Variants in BICRA observed in about 807,000 individuals in gnomAD.
The protein encoded by BICRA is BRD4 interacting chromatin remodeling complex associated protein.
Under a neutral mutation model 96.9 loss-of-function variants are expected in BICRA, and 31 were observed. The observed-to-expected ratio is 0.32, with a 90% CI of 0.24 to 0.43. The LOEUF (loss-of-function observed/expected upper bound fraction) is 0.43, where lower values mean the gene tolerates loss of function less well. Among genes scored for constraint, BICRA ranks in the 20% least tolerant of loss-of-function variants. The probability of loss-of-function intolerance (pLI) is 1.00; values close to 1 mark genes in which losing one functional copy is unlikely to be tolerated. For synonymous variants in BICRA, 1,350 were observed against 1,071.8 expected (o/e 1.26, Z -5.07); for missense variants, 2,283 against 2,190.3 (o/e 1.04, Z -0.84).
intron 1 of BICRA, among the ~76,000 whole-genome samples, chr19:47,625,183 A>T (rs989832892): frequency 6.6e-6 from 1 of 151,496 alleles, no homozygotes; most frequent in African/African-American, 2.4e-5. Context: ...TATTTTTAGT[A>T]GAGATAGGGT....
intron 7 of BICRA, among the ~76,000 whole-genome samples, chr19:47,685,448 T>G (rs1485833586): frequency 6.6e-6 from 1 of 152,094 alleles, no homozygotes; most frequent in Admixed American, 6.6e-5. Flanking sequence ...GGTCAGTGAA[T>G]GTTTGTTGGG....
chr19:47,615,126 G>A (rs554321630), intron 1 of BICRA, among the ~76,000 whole-genome samples: 7 of 152,282 alleles, frequency 4.6e-5, no homozygotes. Flanking sequence ...TGGGACTACA[G>A]GTGCACGCCA....
intron 1 of BICRA, among the ~76,000 whole-genome samples, chr19:47,609,592 G>T (rs1332077948): frequency 6.6e-6 from 1 of 151,602 alleles, no homozygotes; most frequent in African/African-American, 2.4e-5. Flanking sequence ...ACGTTCCACG[G>T]GGGGAGGGGC....
chr19:47,616,593 C>G (rs780930774), intron 1 of BICRA, among the ~76,000 whole-genome samples: 37 of 150,960 alleles, frequency 2.5e-4, no homozygotes, highest in Non-Finnish European at 2.4e-4. Context: ...GAGCTGAGAT[C>G]GCACGATTGC....
At chr19:47,673,340 T>C (rs551940910) in intron 2 of BICRA, among the ~76,000 whole-genome samples, 59 of 152,242 alleles carry the variant, frequency 3.9e-4, no homozygotes, top group African/African-American at 1.4e-3. Context: ...ATTATCATCA[T>C]CAGGTGCTGG....
intron 1 of BICRA, among the ~76,000 whole-genome samples, chr19:47,659,685 TACACACACACACACACACACACAC>T (rs10567798): frequency 7.6e-6 from 1 of 132,414 alleles, no homozygotes; most frequent in Non-Finnish European, 1.6e-5. Flanking sequence ...TGGTGGTGCA[TACACACACACACACACACACACAC>T]ACACACACAC....
chr19:47,634,635 GC>G (rs2123526990), intron 1 of BICRA, among the ~76,000 whole-genome samples: 1 of 151,926 alleles, frequency 6.6e-6, no homozygotes, highest in East Asian at 1.9e-4. Context: ...AACAAACAAA[GC>G]CTGCTTCTCT....
intron 1 of BICRA, among the ~76,000 whole-genome samples, chr19:47,658,147 A>C (rs1972648913): frequency 6.6e-6 from 1 of 152,182 alleles, no homozygotes; most frequent in Non-Finnish European, 1.5e-5. Context: ...CTGAGCTGCA[A>C]GGGAGTCTGA....
intron 1 of BICRA, among the ~76,000 whole-genome samples, chr19:47,660,560 C>T (rs865982038): frequency 2.6e-5 from 4 of 152,272 alleles, no homozygotes; most frequent in African/African-American, 9.6e-5. Flanking sequence ...ATGTTAAGTC[C>T]ACGTACCAGG....
chr19:47,702,181 C>T lies in BICRA; in HGVS notation c.4449C>T (p.Asp1483=). Residue 1483 remains aspartate, a synonymous_variant, in exon 15 of 15, where the codon GAC becomes GAT. Transcript: ENST00000594866. ...GCAAGTCCGAGTCGCCCGACGTGGA[C>T]CAGGCCAGCTTCTCCAGCGACAGCC... The part of the protein sequence containing the change: ...KRRKSESPDV[D]QASFSSDSPQ... 6.3e-7 allele frequency: 1 copy of T among 1,587,380 alleles called. No homozygotes were observed. Among genetic ancestry groups the T allele is most frequent in the Admixed American group, 1.7e-5 (1 of 58,308 alleles).
chr19:47,665,242 G>T (rs2123565739), intron 1 of BICRA, among the ~76,000 whole-genome samples: 1 of 152,328 alleles, frequency 6.6e-6, no homozygotes, highest in Middle Eastern at 3.4e-3. Context: ...TCAGCAGGTT[G>T]CCTCTTGAAT....
intron 10 of BICRA, among the ~76,000 whole-genome samples, 184 bp from the exon 11 acceptor site, chr19:47,696,267 C>T (rs1189964177): frequency 6.6e-6 from 1 of 152,158 alleles, no homozygotes; most frequent in Non-Finnish European, 1.5e-5. Flanking sequence ...ACTCCCCAGC[C>T]CAGCCCAGGT....
At position 47,701,573 on chromosome 19, in the gene BICRA, T is replaced by C. The variant is rs761292859; in HGVS notation, c.3841T>C (p.Leu1281=). 7 of 1,553,390 alleles carry C rather than the reference T, an allele frequency of 4.5e-6. No homozygotes were observed. The highest frequency in any genetic ancestry group is 6.1e-6 in the Non-Finnish European group (7 of 1,149,336). The change falls in exon 15 of 15, where the codon TTG becomes CTG. Residue 1281 remains leucine (L), a synonymous_variant. Coordinates refer to ENST00000594866, the MANE Select transcript of BICRA (RefSeq NM_001394372.1). This position sits in a 1 kb window ranked among gnomAD's most constrained non-coding sequence, Gnocchi z 5.4. Reference sequence around the variant, plus strand: ...CTCCTCCTCCTCTGCCGCCTCCTCCTTGGACGCCGACGAGGACGGCCCCAT... The same window carrying C: ...CTCCTCCTCCTCTGCCGCCTCCTCCCTGGACGCCGACGAGGACGGCCCCAT... The part of the protein sequence containing the change: ...SSSSSSAASS[L]DADEDGPMPS...
intron 10 of BICRA, among the ~76,000 whole-genome samples, chr19:47,695,809 A>G (rs1020455365): frequency 4.6e-5 from 7 of 152,148 alleles, no homozygotes; most frequent in African/African-American, 1.7e-4. Context: ...ATGTGAGCTC[A>G]GGACAGGAAA....
In BICRA at chr19:47,679,926, C is replaced by G; in HGVS notation, c.756C>G (p.Leu252=). The part of the protein sequence containing the change: ...VMALNTPTSQ[L]LAKQVPVSGY... ...CGCTCAACACGCCCACCTCCCAGCT[C>G]CTGGCCAAGCAGGTGCCCGTCAGCG... Residue 252 remains leucine (L), a synonymous_variant, in exon 6 of 15, where the codon CTC becomes CTG. Coordinates refer to ENST00000594866, the MANE Select transcript of BICRA (RefSeq NM_001394372.1). The G allele has an allele frequency of 6.6e-7, 1 of 1,517,590 alleles. No individual in the cohort carries two copies. The highest frequency in any genetic ancestry group is 2.1e-5 in the Admixed American group (1 of 48,356). 94.0% of individuals were successfully genotyped at this position (1,517,590 alleles called of 1,614,324 possible). A position where few individuals can be genotyped will look rare whatever the true frequency, so the allele number is the denominator to read the frequency against.
At chr19:47,626,832 C>T (rs1972148621) in intron 1 of BICRA, among the ~76,000 whole-genome samples, 1 of 151,272 alleles carries the variant, frequency 6.6e-6, no homozygotes, top group Non-Finnish European at 1.5e-5. Flanking sequence ...AGCAACTCTC[C>T]TGCCTCAGCC....
chr19:47,654,537 A>G, intron 1 of BICRA, among the ~76,000 whole-genome samples: 1 of 152,130 alleles, frequency 6.6e-6, no homozygotes, highest in East Asian at 1.9e-4. Flanking sequence ...GCTGGAGTGC[A>G]GTGGCACGAT....
rs761447479 is a variant in BICRA at position 47,701,733 on chromosome 19, C to T, written c.4001C>T (p.Pro1334Leu). 1.3e-6 allele frequency: 2 copies of T among 1,565,768 alleles called. No individual in the cohort carries two copies. The highest frequency in any genetic ancestry group is 2.4e-5 in the East Asian group (1 of 42,496). The change falls in exon 15 of 15, where the codon CCG becomes CTG. Residue 1334 changes from proline (P) to leucine (L), a missense_variant. Transcript: ENST00000594866. The surrounding 1 kb of genome is among the most constrained non-coding windows in gnomAD (Gnocchi z 5.4). ...GCCCTGGACCCCGTGCACCAGCCCC[C>T]GCCACCCCCCGCTACCCTCAAGGTG... ...NTALDPVHQP[P>L]PPPATLKVAE...
chr19:47,693,360 C>A (rs1335783040), intron 7 of BICRA, among the ~76,000 whole-genome samples: 1 of 152,224 alleles, frequency 6.6e-6, no homozygotes, highest in East Asian at 1.9e-4. Context: ...GTACGTCGTG[C>A]ACACGCATGC....
Sources: gnomAD v4.1 joint callset for allele counts (sites outside exome capture counted in the v4.1 genomes callset) on GRCh38, gnomAD v4.1.1 for gene constraint, Gnocchi (gnomAD v3.1) non-coding constraint, MANE v1.5 for transcripts, NCBI Gene and HGNC (gene_info 2026-07-23, HGNC 2026-07-21) for gene names.